Variants in CNTN4 observed in about 807,000 individuals in gnomAD.
CNTN4 encodes the protein contactin-4.
A neutral mutation model predicts 122.5 loss-of-function variants in CNTN4; 77 were observed. The ratio of observed to expected loss-of-function variants is 0.63; its 90% CI spans 0.52 to 0.76. The LOEUF is 0.76. Ranked by LOEUF, CNTN4 falls within the 30% of genes least tolerant of loss-of-function variation. The probability of loss-of-function intolerance (pLI) is 0.00; values close to 1 mark genes in which losing one functional copy is unlikely to be tolerated. For missense variants in CNTN4, 1,256 were observed against 1,259.1 expected (o/e 1.00, Z 0.04); for synonymous variants, 512 against 447.0 (o/e 1.15, Z -1.83).
chr3:2,724,571 C>G (rs992289887), intron 4 of CNTN4, among the ~76,000 whole-genome samples: 1 of 152,106 alleles, frequency 6.6e-6, no homozygotes, highest in Non-Finnish European at 1.5e-5. Flanking sequence ...CACTATGTGC[C>G]AAATTACAAA....
intron 2 of CNTN4, among the ~76,000 whole-genome samples, chr3:2,101,957 A>G (rs2032002919): frequency 6.6e-6 from 1 of 152,194 alleles, no homozygotes; most frequent in African/African-American, 2.4e-5. Context: ...TACTCTAGCC[A>G]GTTGTAAAAC....
In CNTN4 at chr3:2,798,397, C is replaced by A. The variant is rs201171849; in HGVS notation, c.359-21089C>A. Among the ~76,000 whole-genome samples, 1,210 of 148,150 alleles carry A rather than the reference C, an allele frequency of 8.2e-3. 8 individuals are homozygous for A. Among genetic ancestry groups the A allele is most frequent in the African/African-American group, 0.025 (1,021 of 40,474 alleles). The stretch of plus-strand genomic sequence containing the variant: ...TCTATCTATCTATCTATCTATATAT[C>A]TATCTATCTATCTCCCATTTTCTTT... On this transcript the variant is annotated intron_variant, in intron 6 of 24. Coordinates refer to ENST00000418658, the MANE Select transcript of CNTN4 (RefSeq NM_175607.3).
intron 7 of CNTN4, among the ~76,000 whole-genome samples, chr3:2,823,614 T>C (rs2092923966): frequency 6.6e-6 from 1 of 152,234 alleles, no homozygotes; most frequent in Admixed American, 6.5e-5. Context: ...CAGAAATTAT[T>C]GAGGTCCAGA....
chr3:2,708,376 C>G (rs2086869415), intron 4 of CNTN4, among the ~76,000 whole-genome samples: 1 of 151,988 alleles, frequency 6.6e-6, no homozygotes, highest in African/African-American at 2.4e-5. Context: ...CCCATATGGA[C>G]CACAAGAAAT....
intron 2 of CNTN4, among the ~76,000 whole-genome samples, chr3:2,133,340 T>G (rs2034537719): frequency 6.6e-6 from 1 of 152,162 alleles, no homozygotes; most frequent in Non-Finnish European, 1.5e-5. Context: ...AGTGTCATTG[T>G]CTCTTCAGGT....
intron 2 of CNTN4, among the ~76,000 whole-genome samples, chr3:2,334,099 A>T (rs2043843849): frequency 6.6e-6 from 1 of 152,204 alleles, no homozygotes. Flanking sequence ...AAATAATGTT[A>T]ATAATAACAA....
chr3:2,138,939 T>C (rs554998974), intron 2 of CNTN4, among the ~76,000 whole-genome samples: 23 of 152,298 alleles, frequency 1.5e-4, no homozygotes, highest in African/African-American at 4.8e-4. Context: ...CTCTGACTAA[T>C]AGAGTAGCCA....
At chr3:2,859,891 A>G (rs1305273246) in intron 7 of CNTN4, among the ~76,000 whole-genome samples, 1 of 152,202 alleles carries the variant, frequency 6.6e-6, no homozygotes, top group African/African-American at 2.4e-5. Flanking sequence ...TTTACCCCCA[A>G]AAAATAGAGG....
At chr3:3,046,063 A>G (rs11924740) in intron 23 of CNTN4, among the ~76,000 whole-genome samples, 9,062 of 152,296 alleles carry the variant, frequency 0.06, 381 homozygotes, top group East Asian at 0.18. Flanking sequence ...TGAAGCAAGA[A>G]GAGAAGTTTA....
chr3:2,495,766 T>C (rs1237810806), intron 3 of CNTN4, among the ~76,000 whole-genome samples: 1 of 152,196 alleles, frequency 6.6e-6, no homozygotes, highest in African/African-American at 2.4e-5. Flanking sequence ...TCCCCTTGCC[T>C]GGTCCGTGGA....
At chr3:2,582,832 G>A (rs1439691536) in intron 4 of CNTN4, among the ~76,000 whole-genome samples, 1 of 150,860 alleles carries the variant, frequency 6.6e-6, no homozygotes, top group Non-Finnish European at 1.5e-5. Flanking sequence ...AATCCATATT[G>A]AGTCAGTAAT....
At chr3:2,492,620 T>C (rs1316189800) in intron 3 of CNTN4, among the ~76,000 whole-genome samples, 1 of 152,232 alleles carries the variant, frequency 6.6e-6, no homozygotes, top group African/African-American at 2.4e-5. Flanking sequence ...TTTTACTCTT[T>C]GTTGAAATAA....
At position 2,646,778 on chromosome 3, in the gene CNTN4, T is replaced by C. The variant is rs1207855572; in HGVS notation, c.55+75220T>C. ...TCTCCCTGGTTTTCAGATGATCACC[T>C]TCTCCCTGTATCCTCACATGGCCTT... On this transcript the variant is annotated intron_variant, in intron 4 of 24. Transcript: ENST00000418658. 2.0e-5 allele frequency among the ~76,000 whole-genome samples: 3 copies of C among 152,332 alleles called. No individual in the cohort carries two copies. In the East Asian group the frequency reaches 5.8e-4, roughly 29 times the overall value.
intron 3 of CNTN4, among the ~76,000 whole-genome samples, chr3:2,564,833 T>C (rs2079091865): frequency 6.6e-6 from 1 of 152,170 alleles, no homozygotes; most frequent in African/African-American, 2.4e-5. Flanking sequence ...GTTTATACTT[T>C]AAGAAATTTC....
intron 4 of CNTN4, among the ~76,000 whole-genome samples, chr3:2,645,477 T>C (rs541460818): frequency 6.6e-6 from 1 of 152,226 alleles, no homozygotes; most frequent in Non-Finnish European, 1.5e-5. Flanking sequence ...TTAAAGCAAA[T>C]TGGTATGTAA....
At chr3:2,888,058 G>A (rs980655298) in intron 10 of CNTN4, among the ~76,000 whole-genome samples, 1 of 152,314 alleles carries the variant, frequency 6.6e-6, no homozygotes, top group East Asian at 1.9e-4. Context: ...TAGTTCTGTA[G>A]GGCAAGTTGT....
chr3:2,471,900 G>T lies in CNTN4; in HGVS notation c.-88-99516G>T, dbSNP rs558701206. 1.3e-3 allele frequency among the ~76,000 whole-genome samples: 204 copies of T among 152,188 alleles called. 1 individual carries two copies. The highest frequency in any genetic ancestry group is 1.6e-3 in the Non-Finnish European group (111 of 67,998). On this transcript the variant is annotated intron_variant, in intron 3 of 24. Coordinates refer to ENST00000418658, the MANE Select transcript of CNTN4 (RefSeq NM_175607.3). ...TATACAATACACATTGTAAAACCTAGATAAAATGCTCAGATGTGGCACAAA... is the reference window on the plus strand; with the variant it reads ...TATACAATACACATTGTAAAACCTATATAAAATGCTCAGATGTGGCACAAA...
At chr3:2,877,767 G>C (rs905052549) in intron 8 of CNTN4, among the ~76,000 whole-genome samples, 3 of 152,088 alleles carry the variant, frequency 2.0e-5, no homozygotes, top group African/African-American at 7.2e-5. Context: ...CCAATTAATT[G>C]CAAAAGCGTA....
intron 2 of CNTN4, among the ~76,000 whole-genome samples, chr3:2,245,285 T>C (rs930008879): frequency 2.6e-5 from 4 of 152,086 alleles, no homozygotes; most frequent in Admixed American, 2.0e-4. Context: ...ATTTGAGATC[T>C]AATATGTGGG....
Sources: gnomAD v4.1 joint callset for allele counts (sites outside exome capture counted in the v4.1 genomes callset) on GRCh38, gnomAD v4.1.1 for gene constraint, MANE v1.5 for transcripts, NCBI Gene and HGNC (gene_info 2026-07-23, HGNC 2026-07-21) for gene names.